Variants in ROR2 observed in about 807,000 individuals in gnomAD.
ROR2 encodes the protein ROR family WNT receptor 2.
In ROR2, 33 loss-of-function variants were observed where a neutral mutation model predicts 74.9. The ratio of observed to expected loss-of-function variants is 0.44; its 90% CI spans 0.33 to 0.59. The LOEUF is 0.59. Ranked by LOEUF, ROR2 falls within the 20% of genes least tolerant of loss-of-function variation. The pLI, the probability that ROR2 is intolerant of heterozygous loss-of-function variation, is 0.02. For synonymous variants in ROR2, 586 were observed against 558.7 expected, an observed-to-expected ratio of 1.05 and a Z score of -0.69; for missense variants, 1,216 against 1,313.8, an observed-to-expected ratio of 0.93 and a Z score of 1.15.
intron 1 of ROR2, among the ~76,000 whole-genome samples, chr9:91,780,551 G>A (rs1826582749): frequency 6.6e-6 from 1 of 152,142 alleles, no homozygotes; most frequent in Non-Finnish European, 1.5e-5. Flanking sequence ...ACTTTGGGAG[G>A]TCGAGGCCTC....
intron 2 of ROR2, among the ~76,000 whole-genome samples, chr9:91,760,835 T>G (rs536439066): frequency 6.6e-6 from 1 of 152,328 alleles, no homozygotes; most frequent in East Asian, 1.9e-4. Flanking sequence ...TTTCAGACCT[T>G]CTGAAGTATT....
intron 1 of ROR2, among the ~76,000 whole-genome samples, chr9:91,900,401 G>GC (rs34719012): frequency 3.9e-5 from 6 of 152,340 alleles, no homozygotes; most frequent in East Asian, 1.9e-4. Flanking sequence ...CCTGGCGCAG[G>GC]CCCCCCCACG....
At chr9:91,895,583 G>A (rs1279990519) in intron 1 of ROR2, among the ~76,000 whole-genome samples, 1 of 152,182 alleles carries the variant, frequency 6.6e-6, no homozygotes. Flanking sequence ...GGTGGCTCAC[G>A]CCTGTAATCC....
intron 1 of ROR2, among the ~76,000 whole-genome samples, chr9:91,842,154 A>G (rs1798539601): frequency 1.3e-5 from 2 of 152,348 alleles, no homozygotes; most frequent in South Asian, 4.1e-4. Context: ...GAAAGGAGAG[A>G]AAAAGCATAA....
intron 1 of ROR2, among the ~76,000 whole-genome samples, chr9:91,801,894 T>G (rs1404789409): frequency 6.6e-6 from 1 of 152,166 alleles, no homozygotes; most frequent in African/African-American, 2.4e-5. Flanking sequence ...GGACCTGGAC[T>G]GAAATGTTTG....
intron 4 of ROR2, among the ~76,000 whole-genome samples, chr9:91,747,859 A>G (rs1304886372): frequency 6.6e-6 from 1 of 152,186 alleles, no homozygotes; most frequent in Non-Finnish European, 1.5e-5. Flanking sequence ...CTACAAAGTC[A>G]AAGGATGTCC....
intron 4 of ROR2, among the ~76,000 whole-genome samples, chr9:91,742,519 A>G (rs557603034): frequency 6.6e-6 from 1 of 152,270 alleles, no homozygotes; most frequent in South Asian, 2.1e-4. Context: ...GAACTGAAAC[A>G]TAAGAGTCTA....
intron 1 of ROR2, among the ~76,000 whole-genome samples, chr9:91,885,004 A>T (rs1036992417): frequency 6.6e-6 from 1 of 152,212 alleles, no homozygotes. Context: ...AAGAACTTAA[A>T]GCCTCGCGAA....
At chr9:91,897,189 G>A (rs1830557733) in intron 1 of ROR2, among the ~76,000 whole-genome samples, 1 of 152,256 alleles carries the variant, frequency 6.6e-6, no homozygotes, top group Non-Finnish European at 1.5e-5. Flanking sequence ...GGGAAAGGCT[G>A]GGAGTTTTCG....
At position 91,757,399 on chromosome 9, in the gene ROR2, C is replaced by A. The variant is rs1825790776; in HGVS notation, c.336G>T (p.Arg112=). The part of the protein sequence containing the change: ...VVQEPRRIII[R]KTEYGSRLRI... ...GCAGTCGTGAACCATATTCTGTCTT[C>A]CGGATGATGATCCGCCGCGGCTCCT... Residue 112 remains arginine, a synonymous_variant, in exon 3 of 9, where the codon CGG becomes CGT. Coordinates refer to ENST00000375708, the MANE Select transcript of ROR2 (RefSeq NM_004560.4). 6.2e-7 allele frequency: 1 copy of A among 1,613,786 alleles called. No homozygotes were observed. Among genetic ancestry groups the A allele is most frequent in the South Asian group, 1.1e-5 (1 of 91,046 alleles).
At position 91,775,713 on chromosome 9, in the gene ROR2, T is replaced by C. The variant is rs200006291; in HGVS notation, c.175+28A>G. 3.0e-4 allele frequency: 480 copies of C among 1,607,746 alleles called. No homozygotes were observed. In the African/African-American group the frequency reaches 5.5e-3, roughly 18 times the overall value. On this transcript the variant is annotated intron_variant, in intron 2 of 8. Coordinates refer to ENST00000375708, the MANE Select transcript of ROR2 (RefSeq NM_004560.4). The stretch of plus-strand genomic sequence containing the variant: ...CTCAGCACAGGGCATTTGGAGGACA[T>C]GGAGAGCACCTGCATGTCCCAGCTC...
rs1292365430 is a variant in ROR2, at chr9:91,793,187, TC to T, written c.98-17370del. ...AAAATGCAAACAGACAAGCACATCT[TC>T]CTTGGAGTAATGTCTATTACTCCAT... is the stretch of plus-strand genomic sequence containing the variant. On this transcript the variant is annotated intron_variant, in intron 1 of 8. Coordinates refer to ENST00000375708, the MANE Select transcript of ROR2 (RefSeq NM_004560.4). 1.3e-5 allele frequency among the ~76,000 whole-genome samples: 2 copies of T among 152,152 alleles called. 1 individual carries two copies. The highest frequency in any genetic ancestry group is 2.9e-5 in the Non-Finnish European group (2 of 68,028).
chr9:91,742,344 A>G (rs543838760), intron 4 of ROR2, among the ~76,000 whole-genome samples: 9 of 152,174 alleles, frequency 5.9e-5, no homozygotes, highest in Non-Finnish European at 1.0e-4. Context: ...AACATGTGGG[A>G]ATTCTGGGAG....
intron 1 of ROR2, among the ~76,000 whole-genome samples, chr9:91,894,260 A>G (rs1374711383): frequency 6.6e-6 from 1 of 152,196 alleles, no homozygotes; most frequent in East Asian, 1.9e-4. Flanking sequence ...CAGACATGCC[A>G]ATGCTTGGGT....
chr9:91,851,366 A>G (rs1829084798), intron 1 of ROR2, among the ~76,000 whole-genome samples: 3 of 151,532 alleles, frequency 2.0e-5, no homozygotes, highest in Admixed American at 2.0e-4. Flanking sequence ...AAAAAAAAAA[A>G]AGAAAAGAAA....
At chr9:91,785,720 G>A (rs1231591198) in intron 1 of ROR2, among the ~76,000 whole-genome samples, 2 of 152,122 alleles carry the variant, frequency 1.3e-5, no homozygotes, top group Non-Finnish European at 2.9e-5. Flanking sequence ...CCTGCGACAC[G>A]GCTCTGTGGC....
At chr9:91,839,629 T>C (rs890712826) in intron 1 of ROR2, among the ~76,000 whole-genome samples, 1 of 151,380 alleles carries the variant, frequency 6.6e-6, no homozygotes, top group African/African-American at 2.4e-5. Context: ...GTATATATTG[T>C]GTGTGTGGTG....
At chr9:91,937,433 C>A (rs2118018030) in intron 1 of ROR2, among the ~76,000 whole-genome samples, 1 of 152,116 alleles carries the variant, frequency 6.6e-6, no homozygotes, top group East Asian at 1.9e-4. Context: ...GGACGCCCCC[C>A]AGACCCAGAG....
intron 1 of ROR2, among the ~76,000 whole-genome samples, chr9:91,909,854 T>TTTTTTG (rs1830923883): frequency 8.9e-6 from 1 of 112,590 alleles, no homozygotes; most frequent in African/African-American, 3.4e-5. Flanking sequence ...TTTGTTTTTT[T>TTTTTTG]TTTTTTTTTT....
Sources: gnomAD v4.1 joint callset for allele counts (sites outside exome capture counted in the v4.1 genomes callset) on GRCh38, gnomAD v4.1.1 for gene constraint, MANE v1.5 for transcripts, NCBI Gene and HGNC (gene_info 2026-07-23, HGNC 2026-07-21) for gene names.